The following MDGA2 variants were observed in gnomAD, a reference collection of about 807,000 sequenced individuals.
MDGA2 encodes MAM domain containing glycosylphosphatidylinositol anchor 2.
A neutral mutation model predicts 117.8 loss-of-function variants in MDGA2; 40 were observed. The ratio of observed to expected loss-of-function variants is 0.34; its 90% CI spans 0.26 to 0.44. The LOEUF (loss-of-function observed/expected upper bound fraction) is 0.44. MDGA2 is among the 20% of genes least tolerant of loss of function. The pLI is 1.00. For synonymous variants in MDGA2, 452 were observed against 439.0 expected (o/e 1.03, Z -0.37); for missense variants, 1,123 against 1,250.6 (o/e 0.90, Z 1.54).
At chr14:47,117,965 A>C (rs147699079) in intron 5 of MDGA2, among the ~76,000 whole-genome samples, 2 of 152,318 alleles carry the variant, frequency 1.3e-5, no homozygotes, top group Admixed American at 6.5e-5. Context: ...TAAATGTGCC[A>C]AGGAGAGGGA....
intron 3 of MDGA2, among the ~76,000 whole-genome samples, chr14:47,147,401 T>G (rs1056517430): frequency 6.6e-6 from 1 of 151,688 alleles, no homozygotes; most frequent in Admixed American, 6.6e-5. Context: ...AAGGGGAGGG[T>G]TGAACTACAA....
intron 1 of MDGA2, among the ~76,000 whole-genome samples, chr14:47,444,999 G>C (rs1316875612): frequency 1.3e-5 from 2 of 152,170 alleles, no homozygotes; most frequent in East Asian, 1.9e-4. Context: ...TAATAAGTCA[G>C]AGATTAAGAC....
At chr14:47,607,972 C>T (rs1334048324) in intron 1 of MDGA2, among the ~76,000 whole-genome samples, 1 of 151,886 alleles carries the variant, frequency 6.6e-6, no homozygotes, top group Non-Finnish European at 1.5e-5. Context: ...GATAAACTTA[C>T]ATTTATTGTT....
At chr14:47,287,835 A>G (rs536863677) in intron 2 of MDGA2, among the ~76,000 whole-genome samples, 2 of 152,232 alleles carry the variant, frequency 1.3e-5, no homozygotes, top group East Asian at 1.9e-4. Flanking sequence ...CCTTAATCCA[A>G]TCCACCAGTG....
At chr14:47,486,391 T>G (rs1894061728) in intron 1 of MDGA2, among the ~76,000 whole-genome samples, 1 of 152,166 alleles carries the variant, frequency 6.6e-6, no homozygotes, top group East Asian at 1.9e-4. Flanking sequence ...AGTAACTAAC[T>G]TGCTTTTGAT....
intron 6 of MDGA2, among the ~76,000 whole-genome samples, chr14:47,092,159 T>C (rs1281991912): frequency 1.3e-5 from 2 of 152,164 alleles, no homozygotes; most frequent in East Asian, 3.9e-4. Flanking sequence ...ATCGATGATT[T>C]GGACATGTGT....
chr14:47,276,154 C>T (rs1594767737), intron 2 of MDGA2, among the ~76,000 whole-genome samples: 1 of 152,088 alleles, frequency 6.6e-6, no homozygotes, highest in East Asian at 1.9e-4. Context: ...TATCTTCCAG[C>T]TATTCATCTC....
intron 1 of MDGA2, among the ~76,000 whole-genome samples, chr14:47,456,424 C>T (rs1415176304): frequency 6.6e-6 from 1 of 151,226 alleles, no homozygotes; most frequent in Non-Finnish European, 1.5e-5. Flanking sequence ...TCCTAAGTAG[C>T]TGGGATTACA....
intron 1 of MDGA2, among the ~76,000 whole-genome samples, chr14:47,561,158 G>GGT (rs1566515949): frequency 0.017 from 904 of 54,622 alleles, 71 homozygotes; most frequent in Non-Finnish European, 0.024. Flanking sequence ...TTTTTGTTTT[G>GGT]TTTTGTTTTT....
At chr14:46,922,892 G>C (rs1884185739) in intron 9 of MDGA2, among the ~76,000 whole-genome samples, 1 of 152,170 alleles carries the variant, frequency 6.6e-6, no homozygotes. Flanking sequence ...AGCGAAGTAG[G>C]ATAGAATAAT....
At chr14:47,435,011 C>T (rs1892869807) in intron 1 of MDGA2, among the ~76,000 whole-genome samples, 1 of 152,030 alleles carries the variant, frequency 6.6e-6, no homozygotes, top group Non-Finnish European at 1.5e-5. Flanking sequence ...TAGTGCATGC[C>T]TGTAATTCCA....
At chr14:46,885,003 C>T (rs1327731677) in intron 10 of MDGA2, among the ~76,000 whole-genome samples, 2 of 151,898 alleles carry the variant, frequency 1.3e-5, no homozygotes, top group South Asian at 2.1e-4. Flanking sequence ...TCCACAACCA[C>T]GCCTGGCTAA....
At position 47,675,435 on chromosome 14, in the gene MDGA2, G is replaced by T. The variant is rs1037535244; in HGVS notation, c.-639C>A. 6.6e-6 allele frequency among the ~76,000 whole-genome samples: 1 copy of T among 152,062 alleles called. No homozygotes were observed. The highest frequency in any genetic ancestry group is 2.1e-4 in the South Asian group (1 of 4,832). On this transcript the variant is annotated 5_prime_UTR_variant, in exon 1 of 17. Transcript: ENST00000399232. ...GGAGGAGGAAAGGGTCCAACAGGGA[G>T]CGGAGTGTGCGTCTGGAGCTCGCTT...
Position 47,275,654 on chromosome 14 carries a change from A to G in MDGA2, c.420+25757T>C, listed in dbSNP as rs144688967. Reference sequence around the variant, plus strand: ...TCCATGAAAAAAGGGGGAAACATTTAATAATATTGCTAACTATAGCACTCA... The same window carrying G: ...TCCATGAAAAAAGGGGGAAACATTTGATAATATTGCTAACTATAGCACTCA... On this transcript the variant is annotated intron_variant, in intron 2 of 16. Coordinates refer to ENST00000399232, the MANE Select transcript of MDGA2 (RefSeq NM_001113498.3). Among the ~76,000 whole-genome samples the G allele has an allele frequency of 2.2e-3, 340 of 152,276 alleles. 4 individuals carry two copies. Among genetic ancestry groups the G allele is most frequent in the African/African-American group, 6.7e-3 (278 of 41,560 alleles).
intron 1 of MDGA2, among the ~76,000 whole-genome samples, chr14:47,329,770 AATAC>A (rs1396579744): frequency 3.9e-5 from 6 of 152,022 alleles, no homozygotes; most frequent in African/African-American, 1.4e-4. Flanking sequence ...GATAGTGAAA[AATAC>A]ATACAAAAAT....
chr14:47,209,894 G>T (rs1885820453), intron 3 of MDGA2, among the ~76,000 whole-genome samples: 1 of 152,104 alleles, frequency 6.6e-6, no homozygotes, highest in Non-Finnish European at 1.5e-5. Flanking sequence ...GAGGATGGGT[G>T]GTGGGTGAGA....
chr14:47,132,532 A>ACTTGCTT (rs1434422857), intron 4 of MDGA2, among the ~76,000 whole-genome samples: 1 of 151,920 alleles, frequency 6.6e-6, no homozygotes, highest in African/African-American at 2.4e-5. Flanking sequence ...GCAAGTGGCC[A>ACTTGCTT]GAAGTATCTA....
chr14:46,938,739 G>A (rs1189526668), intron 9 of MDGA2, among the ~76,000 whole-genome samples: 1 of 151,748 alleles, frequency 6.6e-6, no homozygotes, highest in Non-Finnish European at 1.5e-5. Context: ...AAGTACCATA[G>A]GATTCAACAA....
chr14:47,446,866 A>C (rs1347033560), intron 1 of MDGA2, among the ~76,000 whole-genome samples: 1 of 152,152 alleles, frequency 6.6e-6, no homozygotes, highest in Non-Finnish European at 1.5e-5. Context: ...AATATCCATG[A>C]TATTTATTTC....
Sources: gnomAD v4.1 joint callset for allele counts (sites outside exome capture counted in the v4.1 genomes callset) on GRCh38, gnomAD v4.1.1 for gene constraint, MANE v1.5 for transcripts, NCBI Gene and HGNC (gene_info 2026-07-23, HGNC 2026-07-21) for gene names.